ATP5PB: variants seen among roughly 807,000 people sequenced by gnomAD.
ATP5PB encodes ATP synthase peripheral stalk subunit b, mitochondrial.
ATP5PB carries 21 observed loss-of-function variants against 34.5 expected under a neutral mutation model. That is an observed-to-expected ratio of 0.61 (90% CI 0.43 to 0.88). ATP5PB has a LOEUF of 0.88. Ranked by LOEUF, ATP5PB falls within the 40% of genes least tolerant of loss-of-function variation. The probability of loss-of-function intolerance (pLI) is 0.00; values close to 1 mark genes in which losing one functional copy is unlikely to be tolerated. For missense variants in ATP5PB, 293 were observed against 317.4 expected (o/e 0.92, Z 0.58); for synonymous variants, 108 against 114.1 (o/e 0.95, Z 0.34).
chr1:111,459,125 G>C (rs1336059046), intron 5 of ATP5PB, among the ~76,000 whole-genome samples: 1 of 152,168 alleles, frequency 6.6e-6, no homozygotes, highest in Admixed American at 6.5e-5. Context: ...AGGTAGGTTT[G>C]TGTGTCATAA....
intron 1 of ATP5PB, 93 bp from the exon 2 acceptor site, chr1:111,449,744 T>C (rs1274386874): frequency 7.6e-6 from 12 of 1,588,490 alleles, no homozygotes; most frequent in South Asian, 5.5e-5. Context: ...GAAAGAGGGG[T>C]ACATAGGCTT....
chr1:111,459,669 A>G (rs780251430), intron 6 of ATP5PB, 33 bp downstream of exon 6: 7 of 1,601,624 alleles, frequency 4.4e-6, no homozygotes, highest in African/African-American at 1.3e-5. Context: ...CTGATGTTGT[A>G]CTGGTATCTC....
chr1:111,449,760 T>G, intron 1 of ATP5PB, 77 bp from the exon 2 acceptor site: 2 of 1,603,942 alleles, frequency 1.2e-6, no homozygotes, highest in Non-Finnish European at 1.7e-6. Context: ...GGCTTAGTGA[T>G]AGAGCCTGGC....
At chr1:111,454,397 G>A (rs1653411511) in intron 3 of ATP5PB, 41 bp downstream of exon 3, 2 of 1,544,262 alleles carry the variant, frequency 1.3e-6, no homozygotes, top group South Asian at 1.2e-5. Flanking sequence ...TGTTTTGATG[G>A]CACCACTAAA....
chr1:111,458,737 C>T (rs1382211090), intron 5 of ATP5PB, among the ~76,000 whole-genome samples: 1 of 152,200 alleles, frequency 6.6e-6, no homozygotes, highest in East Asian at 1.9e-4. Flanking sequence ...GTTTGTGATG[C>T]CTATGGGTTA....
intron 3 of ATP5PB, among the ~76,000 whole-genome samples, chr1:111,454,893 C>T (rs898135362): frequency 2.0e-5 from 3 of 152,176 alleles, no homozygotes; most frequent in Non-Finnish European, 4.4e-5. Flanking sequence ...CTGCTTTATG[C>T]CAGGCACTGT....
rs1379255534 is a variant in ATP5PB at position 111,449,596 on chromosome 1, C to A, written c.40+15C>A. On this transcript the variant is annotated intron_variant, in intron 1 of 6. Transcript: ENST00000369722. ...CGCCACAGCGGGTAAGGGGTATAGACCCTGCTCTGGACTATCAGAGTGATT... is the reference window on the plus strand; with the variant it reads ...CGCCACAGCGGGTAAGGGGTATAGAACCTGCTCTGGACTATCAGAGTGATT... 1 of 1,596,158 alleles carries A rather than the reference C, an allele frequency of 6.3e-7. No individual in the cohort carries two copies. The highest frequency in any genetic ancestry group is 1.7e-5 in the Admixed American group (1 of 58,184).
At position 111,459,510 on chromosome 1, in the gene ATP5PB, A is replaced by G. The variant is rs761912371; in HGVS notation, c.567A>G (p.Val189=). The G allele has an allele frequency of 6.2e-7, 1 of 1,613,990 alleles. No individual in the cohort carries two copies. Among genetic ancestry groups the G allele is most frequent in the South Asian group, 1.1e-5 (1 of 91,078 alleles). Residue 189 remains valine (V), a synonymous_variant, in exon 6 of 7, where the codon GTA becomes GTG. Coordinates refer to ENST00000369722, the MANE Select transcript of ATP5PB (RefSeq NM_001688.5). ...EVTYRERLYR[V]YKEVKNRLDY... ...CTTACCGGGAACGACTGTATAGAGT[A>G]TATAAGGAAGTAAAGAATCGCCTGG...
intron 2 of ATP5PB, among the ~76,000 whole-genome samples, chr1:111,451,957 A>T (rs1653347403): frequency 6.6e-6 from 1 of 152,126 alleles, no homozygotes; most frequent in African/African-American, 2.4e-5. Context: ...AAAATTTTTA[A>T]AAATTTTTTA....
Position 111,456,096 on chromosome 1 carries a change from A to G in ATP5PB, c.234A>G (p.Val78=), listed in dbSNP as rs749238528. ...TCTTTCTTCTTTTAGGACCCTATGTACTCGGAACTGGGCTTATCTTGTACG... is the reference window on the plus strand; with the variant it reads ...TCTTTCTTCTTTTAGGACCCTATGTGCTCGGAACTGGGCTTATCTTGTACG... The part of the protein sequence containing the change: ...YPKTGVTGPY[V]LGTGLILYAL... Residue 78 remains valine (V), a synonymous_variant, in exon 4 of 7, where the codon GTA becomes GTG. Transcript: ENST00000369722. 1.3e-6 allele frequency: 2 copies of G among 1,587,042 alleles called. No homozygotes were observed. Among genetic ancestry groups the G allele is most frequent in the South Asian group, 1.2e-5 (1 of 86,244 alleles).
At chr1:111,460,515 A>G (rs185024629) in intron 6 of ATP5PB, among the ~76,000 whole-genome samples, 1 of 152,068 alleles carries the variant, frequency 6.6e-6, no homozygotes, top group East Asian at 1.9e-4. Context: ...ATACAAAAGA[A>G]GTCTAGAAAA....
chr1:111,457,208 G>A (rs1653497229), intron 5 of ATP5PB, among the ~76,000 whole-genome samples: 1 of 152,124 alleles, frequency 6.6e-6, no homozygotes. Flanking sequence ...AGGACTTGAG[G>A]AGGGTGAGGC....
chr1:111,457,212 G>A (rs1247043918), intron 5 of ATP5PB, among the ~76,000 whole-genome samples: 2 of 152,072 alleles, frequency 1.3e-5, no homozygotes, highest in Admixed American at 6.6e-5. Flanking sequence ...CTTGAGGAGG[G>A]TGAGGCAGCA....
rs775801229 is a variant in ATP5PB, at chr1:111,459,493, G to C, written c.550G>C (p.Glu184Gln). Residue 184 changes from glutamate (E) to glutamine (Q), a missense_variant, in exon 6 of 7, where the codon GAA becomes CAA. Glu to Gln is a conservative substitution (Grantham distance 29). Transcript: ENST00000369722. ...TATGGCTTTGGAAGTTACTTACCGG[G>C]AACGACTGTATAGAGTATATAAGGA... The part of the protein sequence containing the change: ...IAMALEVTYR[E>Q]RLYRVYKEVK... 11 of 1,611,236 alleles carry C rather than the reference G, an allele frequency of 6.8e-6. No homozygotes were observed. Among genetic ancestry groups the C allele is most frequent in the Admixed American group, 1.7e-5 (1 of 59,768 alleles).
rs551003980 is a variant in ATP5PB at position 111,451,815 on chromosome 1, A to G, written c.77+1942A>G. On this transcript the variant is annotated intron_variant, in intron 2 of 6. Transcript: ENST00000369722. ...GGAGAGTAAGAGAATGAAGGAAGAT[A>G]AGGTTATAAAATTTGGCAGGACCAG... 2.6e-5 allele frequency among the ~76,000 whole-genome samples: 4 copies of G among 152,288 alleles called. No homozygotes were observed. In the South Asian group the frequency reaches 8.3e-4, roughly 32 times the overall value.
chr1:111,455,311 T>TA (rs140870180), intron 3 of ATP5PB, among the ~76,000 whole-genome samples: 2 of 152,030 alleles, frequency 1.3e-5, no homozygotes, highest in Non-Finnish European at 2.9e-5. Context: ...TAAAGGCAGT[T>TA]AAAAAAAACT....
At position 111,459,546 on chromosome 1, in the gene ATP5PB, A is replaced by G. The variant is rs1653560471; in HGVS notation, c.603A>G (p.Ile201Met). ...KEVKNRLDYH[I>M]SVQNMMRRKE... ...TAAAGAATCGCCTGGACTATCATAT[A>G]TCTGTGCAGAACATGATGCGTCGAA... The change falls in exon 6 of 7, where the codon ATA becomes ATG. Residue 201 changes from isoleucine (I) to methionine (M), a missense_variant. Transcript: ENST00000369722. 6.2e-7 allele frequency: 1 copy of G among 1,613,882 alleles called. No individual in the cohort carries two copies. Among genetic ancestry groups the G allele is most frequent in the Admixed American group, 1.7e-5 (1 of 60,000 alleles).
chr1:111,452,946 G>A (rs1264896), intron 2 of ATP5PB, among the ~76,000 whole-genome samples: 15,261 of 152,198 alleles, frequency 0.1, 1,042 homozygotes, highest in East Asian at 0.37. Flanking sequence ...GTAAATGAAG[G>A]AATCTCAAGC....
At chr1:111,451,400 C>T (rs1265176949) in intron 2 of ATP5PB, among the ~76,000 whole-genome samples, 1 of 152,188 alleles carries the variant, frequency 6.6e-6, no homozygotes, top group Non-Finnish European at 1.5e-5. Flanking sequence ...TTGTTGCTCC[C>T]TATCCGCTTA....
Sources: allele counts gnomAD v4.1 joint callset (sites outside exome capture counted in the v4.1 genomes callset), GRCh38; gene constraint gnomAD v4.1.1; transcripts MANE v1.5; gene names NCBI Gene and HGNC (gene_info 2026-07-23, HGNC 2026-07-21).